MAP2K1: variants seen among roughly 807,000 people sequenced by gnomAD.
MAP2K1 encodes the protein mitogen-activated protein kinase kinase 1.
A neutral mutation model predicts 46.3 loss-of-function variants in MAP2K1; 16 were observed. The ratio of observed to expected loss-of-function variants is 0.35; its 90% CI spans 0.23 to 0.52. The LOEUF is 0.52. Among genes scored for constraint, MAP2K1 ranks in the 20% least tolerant of loss-of-function variants. MAP2K1 has a pLI of 0.94. For missense variants in MAP2K1, 263 were observed against 497.1 expected, an observed-to-expected ratio of 0.53 and a Z score of 4.48; for synonymous variants, 183 against 185.6, an observed-to-expected ratio of 0.99 and a Z score of 0.11.
At chr15:66,489,546 C>A in intron 9 of MAP2K1, 172 bp from the exon 10 acceptor site, 1 of 719,368 alleles carries the variant, frequency 1.4e-6, no homozygotes. Context: ...TTTAACTCAG[C>A]AAGAATGTAT....
rs1038008134 is a variant in MAP2K1, at chr15:66,418,078, C to T, written c.81-16949C>T. On this transcript the variant is annotated intron_variant, in intron 1 of 10. Coordinates refer to ENST00000307102, the MANE Select transcript of MAP2K1 (RefSeq NM_002755.4). ...GAAAGTACCCTCCACAATGTGGGAG[C>T]GGTCCCAAGCATAGGAGCTCAAAAG... Among the ~76,000 whole-genome samples, 26 of 152,156 alleles carry T rather than the reference C, an allele frequency of 1.7e-4. 1 individual carries two copies. The highest frequency in any genetic ancestry group is 7.9e-4 in the Admixed American group (12 of 15,272).
At chr15:66,411,350 G>C (rs1215809255) in intron 1 of MAP2K1, among the ~76,000 whole-genome samples, 1 of 152,152 alleles carries the variant, frequency 6.6e-6, no homozygotes, top group Non-Finnish European at 1.5e-5. Context: ...GCTCCTCTCA[G>C]AATAGCCCAG....
At chr15:66,404,781 C>G (rs948216221) in intron 1 of MAP2K1, among the ~76,000 whole-genome samples, 2 of 151,332 alleles carry the variant, frequency 1.3e-5, no homozygotes, top group African/African-American at 4.9e-5. Flanking sequence ...ACACGGTGAG[C>G]GGAAATGGTG....
In MAP2K1 at chr15:66,489,615, A is replaced by C. The variant is rs1893171610; in HGVS notation, c.1023-103A>C. 5.7e-6 allele frequency: 5 copies of C among 881,724 alleles called. No homozygotes were observed. In the East Asian group the frequency reaches 7.2e-5, roughly 13 times the overall value. 54.6% of individuals were successfully genotyped at this position (881,724 alleles called of 1,614,324 possible). ...CAGGAGGATGAATCAAGCCCAGGCA[A>C]TCCTCGGCCTCTAGTGTGCAGAGAA... On this transcript the variant is annotated intron_variant, in intron 9 of 10. Coordinates refer to ENST00000307102, the MANE Select transcript of MAP2K1 (RefSeq NM_002755.4).
At chr15:66,443,413 G>T (rs568143190) in intron 4 of MAP2K1, 56 bp downstream of exon 4, 2 of 1,042,824 alleles carry the variant, frequency 1.9e-6, no homozygotes, top group South Asian at 1.3e-5. Flanking sequence ...TTAATGAGTC[G>T]GTAAGAAATG....
intron 1 of MAP2K1, among the ~76,000 whole-genome samples, chr15:66,396,881 C>T (rs2093368885): frequency 1.3e-5 from 2 of 151,284 alleles, no homozygotes; most frequent in South Asian, 4.2e-4. Context: ...GGCAGGGTTT[C>T]ACCATGTTGG....
intron 5 of MAP2K1, among the ~76,000 whole-genome samples, chr15:66,475,429 T>C (rs866916273): frequency 6.6e-6 from 1 of 152,308 alleles, no homozygotes; most frequent in South Asian, 2.1e-4. Context: ...CCAGCTTCCC[T>C]GTGTCACTCT....
chr15:66,461,666 T>C (rs1041518425), intron 5 of MAP2K1, among the ~76,000 whole-genome samples: 1 of 152,116 alleles, frequency 6.6e-6, no homozygotes, highest in African/African-American at 2.4e-5. Flanking sequence ...TGGAGGTAAG[T>C]GCTTACCACC....
chr15:66,483,077 A>G (rs1892950614), intron 6 of MAP2K1, among the ~76,000 whole-genome samples: 1 of 152,184 alleles, frequency 6.6e-6, no homozygotes, highest in African/African-American at 2.4e-5. Context: ...AGGTTAAGCA[A>G]CCTGCCTACT....
At chr15:66,419,154 G>T (rs1360205633) in intron 1 of MAP2K1, among the ~76,000 whole-genome samples, 3 of 148,798 alleles carry the variant, frequency 2.0e-5, no homozygotes, top group African/African-American at 7.4e-5. Flanking sequence ...TATAACTTCT[G>T]TTTTTTTTTC....
chr15:66,387,175 C>T lies in MAP2K1; in HGVS notation c.-173C>T. On this transcript the variant is annotated 5_prime_UTR_variant, in exon 1 of 11. Transcript: ENST00000307102. ...GGGTGGGGCGGGGGTCCACTGAGACCGCTACCGGCCCCTCGGCGCTGACGG... is the reference window on the plus strand; with the variant it reads ...GGGTGGGGCGGGGGTCCACTGAGACTGCTACCGGCCCCTCGGCGCTGACGG... 4 of 503,128 alleles carry T rather than the reference C, an allele frequency of 8.0e-6. No homozygotes were observed. The highest frequency in any genetic ancestry group is 1.1e-5 in the Non-Finnish European group (3 of 284,682). The allele number at this position is 503,128 out of a possible 1,614,324, so 31.2% of individuals were successfully genotyped here. A position where few individuals can be genotyped will look rare whatever the true frequency, so the allele number is the denominator to read the frequency against.
Position 66,387,272 on chromosome 15 carries a change from G to C in MAP2K1, c.-76G>C. The C allele has an allele frequency of 1.5e-6, 2 of 1,302,354 alleles. No individual in the cohort carries two copies. Among genetic ancestry groups the C allele is most frequent in the Non-Finnish European group, 2.2e-6 (2 of 923,732 alleles). 80.7% of individuals were successfully genotyped at this position (1,302,354 alleles called of 1,614,324 possible). A position where few individuals can be genotyped will look rare whatever the true frequency, so the allele number is the denominator to read the frequency against. On this transcript the variant is annotated 5_prime_UTR_variant, in exon 1 of 11. Coordinates refer to ENST00000307102, the MANE Select transcript of MAP2K1 (RefSeq NM_002755.4). ...CCGGACTTGGTCCTGCGCAGCGGGC[G>C]CGGGGCAGCGCAGCGGGAGGAAGCG...
At chr15:66,410,873 C>G (rs16949907) in intron 1 of MAP2K1, among the ~76,000 whole-genome samples, 11,834 of 152,200 alleles carry the variant, frequency 0.078, 1,531 homozygotes, top group African/African-American at 0.27. Flanking sequence ...TTCTGCTTTA[C>G]TAGCTACATT....
At chr15:66,479,676 T>A (rs1216194477) in intron 5 of MAP2K1, among the ~76,000 whole-genome samples, 1 of 152,114 alleles carries the variant, frequency 6.6e-6, no homozygotes, top group African/African-American at 2.4e-5. Context: ...AACCATTCAT[T>A]CAACAAGGGC....
chr15:66,423,782 T>G (rs1029607364), intron 1 of MAP2K1, among the ~76,000 whole-genome samples: 3 of 151,442 alleles, frequency 2.0e-5, no homozygotes, highest in African/African-American at 7.3e-5. Flanking sequence ...TAATTTTGTA[T>G]TTTTAGTAGA....
chr15:66,404,364 A>G (rs997970070), intron 1 of MAP2K1, among the ~76,000 whole-genome samples: 2 of 152,212 alleles, frequency 1.3e-5, no homozygotes, highest in Non-Finnish European at 2.9e-5. Context: ...TCAGAAAAAA[A>G]CAAAACAAAC....
At chr15:66,388,835 G>C in intron 1 of MAP2K1, among the ~76,000 whole-genome samples, 1 of 151,896 alleles carries the variant, frequency 6.6e-6, no homozygotes. Flanking sequence ...CAATCCTGTG[G>C]GGTCTATTTT....
chr15:66,428,388 G>T (rs11856814), intron 1 of MAP2K1, among the ~76,000 whole-genome samples: 8,471 of 151,012 alleles, frequency 0.056, 345 homozygotes, highest in Middle Eastern at 0.11. Flanking sequence ...GGTCTGGTAA[G>T]CCTAAAATCT....
intron 10 of MAP2K1, chr15:66,490,089 C>T: frequency 1.9e-6 from 1 of 536,120 alleles, no homozygotes; most frequent in East Asian, 3.3e-5. Context: ...CAGCCTCCTT[C>T]CAGAGTCACT....
Sources: gnomAD v4.1 joint callset for allele counts (sites outside exome capture counted in the v4.1 genomes callset) on GRCh38, gnomAD v4.1.1 for gene constraint, MANE v1.5 for transcripts, NCBI Gene and HGNC (gene_info 2026-07-23, HGNC 2026-07-21) for gene names.